Variants in RXRB observed in about 807,000 individuals in gnomAD.
RXRB encodes the protein retinoid X receptor beta.
RXRB carries 18 observed loss-of-function variants against 52.5 expected under a neutral mutation model. The observed-to-expected ratio is 0.34, with a 90% CI of 0.24 to 0.51. The LOEUF is 0.51. Among genes scored for constraint, RXRB ranks in the 20% least tolerant of loss-of-function variants. The pLI is 0.97. For missense variants in RXRB, 455 were observed against 698.2 expected, an observed-to-expected ratio of 0.65 and a Z score of 3.92; for synonymous variants, 233 against 267.1, an observed-to-expected ratio of 0.87 and a Z score of 1.25.
rs1446563333 is a variant in RXRB at position 33,196,563 on chromosome 6, A to C, written c.864T>G (p.Asp288Glu). 6.2e-7 allele frequency: 1 copy of C among 1,604,324 alleles called. No homozygotes were observed. The highest frequency in any genetic ancestry group is 8.5e-7 in the Non-Finnish European group (1 of 1,173,216). ...ERQRGKDKDG[D>E]GEGAGGAPEE... ...CGGGGGCTCCCCCAGCCCCCTCCCC[A>C]TCCCCATCCTTGTCCTTTCCCCGCT... The change falls in exon 5 of 10, where the codon GAT becomes GAG. Residue 288 changes from aspartate (D) to glutamate (E), a missense_variant. Physicochemically the swap from Asp to Glu is conservative, Grantham distance 45 (BLOSUM62 2). Coordinates refer to ENST00000374680, the MANE Select transcript of RXRB (RefSeq NM_021976.5). The surrounding 1 kb of genome is among the most constrained non-coding windows in gnomAD (Gnocchi z 4.0).
At position 33,200,502 on chromosome 6, in the gene RXRB, C is replaced by A; in HGVS notation, c.-26G>T. 6.4e-7 allele frequency: 1 copy of A among 1,570,138 alleles called. No individual in the cohort carries two copies. Among genetic ancestry groups the A allele is most frequent in the Non-Finnish European group, 8.6e-7 (1 of 1,160,068 alleles). Reference sequence around the variant, plus strand: ...GATCCCTGGCTGAGAGTAGGGATACCGAAGAGGTCCCAGGGATTCCCAAGG... The same window carrying A: ...GATCCCTGGCTGAGAGTAGGGATACAGAAGAGGTCCCAGGGATTCCCAAGG... On this transcript the variant is annotated 5_prime_UTR_variant, in exon 1 of 10. Transcript: ENST00000374680. The surrounding 1 kb of genome is among the most constrained non-coding windows in gnomAD (Gnocchi z 6.3).
intron 2 of RXRB, among the ~76,000 whole-genome samples, chr6:33,198,833 G>C (rs1774126956): frequency 6.9e-6 from 1 of 145,302 alleles, no homozygotes; most frequent in East Asian, 2.1e-4. Flanking sequence ...AGAATTGCTT[G>C]AACCCAGGAG....
chr6:33,197,895 G>A lies in RXRB; in HGVS notation c.687C>T (p.Phe229=), dbSNP rs775540624. The change falls in exon 4 of 10, where the codon TTC becomes TTT. Residue 229 remains phenylalanine, a synonymous_variant. Transcript: ENST00000374680. The surrounding 1 kb of genome is among the most constrained non-coding windows in gnomAD (Gnocchi z 4.4). ...VYSCEGCKGF[F]KRTIRKDLTY... The stretch of plus-strand genomic sequence containing the variant: ...TAAGGTCTTTGCGGATGGTGCGTTT[G>A]AAGAAGCCCTTGCAACCCTCACAGC... 2 of 1,613,578 alleles carry A rather than the reference G, an allele frequency of 1.2e-6. No individual in the cohort carries two copies. Among genetic ancestry groups the A allele is most frequent in the Non-Finnish European group, 1.7e-6 (2 of 1,180,016 alleles).
intron 1 of RXRB, 21 bp from the exon 2 acceptor site, chr6:33,199,437 G>C: frequency 2.4e-6 from 3 of 1,262,360 alleles, no homozygotes; most frequent in Non-Finnish European, 3.0e-6. Context: ...GGTATGTACA[G>C]GCACACAGAC....
Position 33,196,577 on chromosome 6 carries a change from C to T in RXRB, c.850G>A (p.Asp284Asn). The change falls in exon 5 of 10, where the codon GAC becomes AAC. Residue 284 changes from aspartate (D) to asparagine (N), a missense_variant. Physicochemically the swap from Asp to Asn is conservative, Grantham distance 23 (BLOSUM62 1). Coordinates refer to ENST00000374680, the MANE Select transcript of RXRB (RefSeq NM_021976.5). The surrounding 1 kb of genome is among the most constrained non-coding windows in gnomAD (Gnocchi z 4.0). ...GCCCCCTCCCCATCCCCATCCTTGT[C>T]CTTTCCCCGCTGACGCTCCTCCTGT... is the stretch of plus-strand genomic sequence containing the variant. ...AVQEERQRGK[D>N]KDGDGEGAGG... The T allele has an allele frequency of 6.2e-7, 1 of 1,611,480 alleles. No homozygotes were observed. Among genetic ancestry groups the T allele is most frequent in the African/African-American group, 1.3e-5 (1 of 75,008 alleles).
chr6:33,195,638 G>A lies in RXRB; in HGVS notation c.1188C>T (p.Leu396=), dbSNP rs1482590629. 1.9e-6 allele frequency: 3 copies of A among 1,612,946 alleles called. No homozygotes were observed. Among genetic ancestry groups the A allele is most frequent in the African/African-American group, 1.3e-5 (1 of 74,932 alleles). Reference sequence around the variant, plus strand: ...GGTGCACGTGAAGACCTGTGGCAAGGAGGATGCCATCTCGAACATCAATGG... The same window carrying A: ...GGTGCACGTGAAGACCTGTGGCAAGAAGGATGCCATCTCGAACATCAATGG... The part of the protein sequence containing the change: ...HRSIDVRDGI[L]LATGLHVHRN... The change falls in exon 7 of 10, where the codon CTC becomes CTT. Residue 396 remains leucine, a synonymous_variant. Coordinates refer to ENST00000374680, the MANE Select transcript of RXRB (RefSeq NM_021976.5). The surrounding 1 kb of genome is among the most constrained non-coding windows in gnomAD (Gnocchi z 8.6).
chr6:33,200,573 G>A lies in RXRB; in HGVS notation c.-97C>T. ...AGCACGAGGAAGCCCCTGAGAGAAA[G>A]ACTCTGGCCTGGATTGGGTCGAATT... On this transcript the variant is annotated 5_prime_UTR_variant, in exon 1 of 10. Transcript: ENST00000374680. This position sits in a 1 kb window ranked among gnomAD's most constrained non-coding sequence, Gnocchi z 6.3. 6.7e-7 allele frequency: 1 copy of A among 1,491,588 alleles called. No homozygotes were observed. The highest frequency in any genetic ancestry group is 1.3e-5 in the South Asian group (1 of 76,246). 92.4% of individuals were successfully genotyped at this position (1,491,588 alleles called of 1,614,324 possible).
chr6:33,199,569 G>A, intron 1 of RXRB, 153 bp from the exon 2 acceptor site: 1 of 527,564 alleles, frequency 1.9e-6, no homozygotes. Context: ...CAAGTTCAGA[G>A]ACACCCTGCT....
At position 33,196,086 on chromosome 6, in the gene RXRB, A is replaced by G; in HGVS notation, c.994-50T>C. ...ATGGAAGATTTTGAGATATGCTGGG[A>G]GCCCCCTTGTAAGAGGCTTTTGACA... is the stretch of plus-strand genomic sequence containing the variant. On this transcript the variant is annotated intron_variant, in intron 5 of 9. Coordinates refer to ENST00000374680, the MANE Select transcript of RXRB (RefSeq NM_021976.5). The surrounding 1 kb of genome is among the most constrained non-coding windows in gnomAD (Gnocchi z 4.0). 6.2e-7 allele frequency: 1 copy of G among 1,608,032 alleles called. No individual in the cohort carries two copies. The highest frequency in any genetic ancestry group is 2.2e-5 in the East Asian group (1 of 44,776).
At chr6:33,200,831 G>A, upstream of RXRB, 4 of 1,512,278 alleles carry the variant, frequency 2.6e-6, no homozygotes, top group Non-Finnish European at 3.6e-6. The surrounding 1 kb of genome is among the most constrained non-coding windows in gnomAD (Gnocchi z 6.3). Context: ...CCGCCATATT[G>A]GTAAAGGCAT....
At position 33,194,442 on chromosome 6, in the gene RXRB, G is replaced by A. The variant is rs150883479; in HGVS notation, c.*240C>T. The A allele has an allele frequency of 6.8e-4, 340 of 498,088 alleles. 1 individual carries two copies. Among genetic ancestry groups the A allele is most frequent in the African/African-American group, 5.6e-3 (287 of 51,704 alleles). 30.9% of individuals were successfully genotyped at this position (498,088 alleles called of 1,614,324 possible). The stretch of plus-strand genomic sequence containing the variant: ...ATCACCCCAAATCATGGGAGAACCC[G>A]ACAAATTCAGAGACTCAAGGCCACC... On this transcript the variant is annotated 3_prime_UTR_variant, in exon 10 of 10. Transcript: ENST00000374680. This position sits in a 1 kb window ranked among gnomAD's most constrained non-coding sequence, Gnocchi z 4.1.
At position 33,194,943 on chromosome 6, in the gene RXRB, A is replaced by G; in HGVS notation, c.1454+2T>C. On this transcript the variant is annotated splice_donor_variant, in intron 9 of 9. Coordinates refer to ENST00000374680, the MANE Select transcript of RXRB (RefSeq NM_021976.5). LOFTEE classifies it high-confidence loss of function. The surrounding 1 kb of genome is among the most constrained non-coding windows in gnomAD (Gnocchi z 4.1). ...CCTCAGTGCCCCCCAGCCCCATCTC[A>G]CCGTCCCTGCTGCTCAGGGTACTTC... 6.2e-7 allele frequency: 1 copy of G among 1,612,058 alleles called. No individual in the cohort carries two copies. Among genetic ancestry groups the G allele is most frequent in the Non-Finnish European group, 8.5e-7 (1 of 1,179,412 alleles).
intron 1 of RXRB, chr6:33,199,746 C>A: frequency 2.4e-6 from 1 of 424,250 alleles, no homozygotes; most frequent in Admixed American, 3.4e-5. Flanking sequence ...AGGGAGTTGA[C>A]AAGGAGAGGA....
Position 33,200,074 on chromosome 6 carries a change from C to T in RXRB, c.235+168G>A, listed in dbSNP as rs1186286670. 3 of 1,046,464 alleles carry T rather than the reference C, an allele frequency of 2.9e-6. No individual in the cohort carries two copies. Among genetic ancestry groups the T allele is most frequent in the Non-Finnish European group, 4.4e-6 (3 of 676,116 alleles). The allele number at this position is 1,046,464 out of a possible 1,614,324, so 64.8% of individuals were successfully genotyped here. A position where few individuals can be genotyped will look rare whatever the true frequency, so the allele number is the denominator to read the frequency against. The stretch of plus-strand genomic sequence containing the variant: ...CTAGGAGGGCGGAAGCTCCCCTTCC[C>T]CGCCCCGCCCCGGGGGGGAGGGTGC... On this transcript the variant is annotated intron_variant, in intron 1 of 9. Transcript: ENST00000374680. The surrounding 1 kb of genome is among the most constrained non-coding windows in gnomAD (Gnocchi z 6.3).
chr6:33,194,418 T>A lies in RXRB; in HGVS notation c.*264A>T, dbSNP rs1773725146. The A allele has an allele frequency of 4.2e-6, 2 of 474,052 alleles. No homozygotes were observed. The highest frequency in any genetic ancestry group is 7.5e-6 in the Non-Finnish European group (2 of 267,552). The allele number at this position is 474,052 out of a possible 1,614,324, so 29.4% of individuals were successfully genotyped here. A position where few individuals can be genotyped will look rare whatever the true frequency, so the allele number is the denominator to read the frequency against. ...TGGGGGAAGGACAGAGGGTGAGAAA[T>A]CACCCCAAATCATGGGAGAACCCGA... On this transcript the variant is annotated 3_prime_UTR_variant, in exon 10 of 10. Transcript: ENST00000374680. This position sits in a 1 kb window ranked among gnomAD's most constrained non-coding sequence, Gnocchi z 4.1.
rs1225460739 is a variant in RXRB at position 33,194,482 on chromosome 6, A to G, written c.*200T>C. The G allele has an allele frequency of 3.6e-6, 2 of 551,294 alleles. No individual in the cohort carries two copies. Among genetic ancestry groups the G allele is most frequent in the East Asian group, 3.0e-5 (1 of 33,584 alleles). 34.2% of individuals were successfully genotyped at this position (551,294 alleles called of 1,614,324 possible). ...TCAAGGCCACCGAAGAGAGACAACC[A>G]GTCCTCACAGGTATCTGGGGTCCCT... On this transcript the variant is annotated 3_prime_UTR_variant, in exon 10 of 10. Transcript: ENST00000374680. The surrounding 1 kb of genome is among the most constrained non-coding windows in gnomAD (Gnocchi z 4.1).
chr6:33,195,689 G>C lies in RXRB; in HGVS notation c.1137C>G (p.Leu379=). 6.2e-7 allele frequency: 1 copy of C among 1,612,512 alleles called. No homozygotes were observed. Among genetic ancestry groups the C allele is most frequent in the Non-Finnish European group, 8.5e-7 (1 of 1,179,964 alleles). The stretch of plus-strand genomic sequence containing the variant: ...ATCGGTGTGAGAAGGAGGCAATGAG[G>C]AGTTCATTCCAGCCTGGGTGGGGCA... ...VILLRAGWNE[L]LIASFSHRSI... is the part of the protein sequence containing the mutation. The change falls in exon 7 of 10, where the codon CTC becomes CTG. Residue 379 remains leucine, a synonymous_variant. Transcript: ENST00000374680. The surrounding 1 kb of genome is among the most constrained non-coding windows in gnomAD (Gnocchi z 8.6).
chr6:33,194,526 G>A lies in RXRB; in HGVS notation c.*156C>T. ...GGTCCCTTCCAACTTGGGATATCAA[G>A]CAGATCCCTTGGAGGGTTTATGTTC... On this transcript the variant is annotated 3_prime_UTR_variant, in exon 10 of 10. Coordinates refer to ENST00000374680, the MANE Select transcript of RXRB (RefSeq NM_021976.5). This position sits in a 1 kb window ranked among gnomAD's most constrained non-coding sequence, Gnocchi z 4.1. The A allele has an allele frequency of 2.8e-6, 2 of 720,132 alleles. No homozygotes were observed. The highest frequency in any genetic ancestry group is 2.2e-6 in the Non-Finnish European group (1 of 460,812). The allele number at this position is 720,132 out of a possible 1,614,324, so 44.6% of individuals were successfully genotyped here. A position where few individuals can be genotyped will look rare whatever the true frequency, so the allele number is the denominator to read the frequency against.
Position 33,200,453 on chromosome 6 carries a change from G to A in RXRB, c.24C>T (p.Pro8=), listed in dbSNP as rs1774417539. MSWAARP[P]FLPQRHAAGQ... Reference sequence around the variant, plus strand: ...CTGCGGCATGCCGCTGAGGGAGGAAGGGCGGGCGAGCGGCCCAAGACATGA... The same window carrying A: ...CTGCGGCATGCCGCTGAGGGAGGAAAGGCGGGCGAGCGGCCCAAGACATGA... The change falls in exon 1 of 10, where the codon CCC becomes CCT. Residue 8 remains proline, a synonymous_variant. Coordinates refer to ENST00000374680, the MANE Select transcript of RXRB (RefSeq NM_021976.5). The surrounding 1 kb of genome is among the most constrained non-coding windows in gnomAD (Gnocchi z 6.3). 6.3e-7 allele frequency: 1 copy of A among 1,592,986 alleles called. No individual in the cohort carries two copies. Among genetic ancestry groups the A allele is most frequent in the African/African-American group, 1.3e-5 (1 of 74,900 alleles).
Sources: allele counts gnomAD v4.1 joint callset (sites outside exome capture counted in the v4.1 genomes callset), GRCh38; gene constraint gnomAD v4.1.1; non-coding constraint Gnocchi (gnomAD v3.1); transcripts MANE v1.5; gene names NCBI Gene and HGNC (gene_info 2026-07-23, HGNC 2026-07-21).